FAM135B: variants seen among roughly 807,000 people sequenced by gnomAD.
FAM135B encodes the protein family with sequence similarity 135 member B, also known as protein FAM135B.
A neutral mutation model predicts 127.7 loss-of-function variants in FAM135B; 43 were observed. The ratio of observed to expected loss-of-function variants is 0.34; its 90% CI spans 0.26 to 0.43. The LOEUF is 0.43. Among genes scored for constraint, FAM135B ranks in the 20% least tolerant of loss-of-function variants. The pLI is 1.00. For synonymous variants in FAM135B, 670 were observed against 665.1 expected, an observed-to-expected ratio of 1.01 and a Z score of -0.11; for missense variants, 1,558 against 1,725.6, an observed-to-expected ratio of 0.90 and a Z score of 1.72.
chr8:138,424,243 C>G (rs920267509), intron 1 of FAM135B, among the ~76,000 whole-genome samples: 1 of 152,092 alleles, frequency 6.6e-6, no homozygotes, highest in Non-Finnish European at 1.5e-5. Flanking sequence ...TGATAAGTGT[C>G]CATGAAATCT....
chr8:138,444,819 G>A (rs1459907787), intron 1 of FAM135B, among the ~76,000 whole-genome samples: 2 of 152,014 alleles, frequency 1.3e-5, no homozygotes, highest in South Asian at 2.1e-4. Context: ...AACTGAAGGA[G>A]ATAGAGACAC....
At chr8:138,334,941 C>A (rs1055884786) in intron 2 of FAM135B, among the ~76,000 whole-genome samples, 10 of 152,162 alleles carry the variant, frequency 6.6e-5, no homozygotes, top group African/African-American at 2.4e-4. Context: ...CCAGCAGAAT[C>A]TTATTTTTGT....
At chr8:138,212,966 A>G (rs992306809) in intron 7 of FAM135B, among the ~76,000 whole-genome samples, 2 of 152,214 alleles carry the variant, frequency 1.3e-5, no homozygotes, top group Middle Eastern at 3.2e-3. Flanking sequence ...CTCCAATTTA[A>G]TGTGTACACG....
chr8:138,224,499 C>G (rs547640604), intron 7 of FAM135B, among the ~76,000 whole-genome samples: 1 of 152,128 alleles, frequency 6.6e-6, no homozygotes, highest in Non-Finnish European at 1.5e-5. Flanking sequence ...TGCAGAGGCC[C>G]GATCTCGGCT....
chr8:138,359,155 G>T (rs889503398), intron 2 of FAM135B, among the ~76,000 whole-genome samples: 1 of 152,026 alleles, frequency 6.6e-6, no homozygotes, highest in Non-Finnish European at 1.5e-5. Flanking sequence ...TAGGAACAAT[G>T]ATAATAATGT....
chr8:138,145,531 C>T (rs994604755), intron 15 of FAM135B, among the ~76,000 whole-genome samples: 1 of 152,168 alleles, frequency 6.6e-6, no homozygotes, highest in Non-Finnish European at 1.5e-5. Flanking sequence ...GAAACAGGTA[C>T]GGAGTACTCA....
intron 7 of FAM135B, among the ~76,000 whole-genome samples, chr8:138,209,556 A>T (rs1817977229): frequency 6.6e-6 from 1 of 152,178 alleles, no homozygotes. Context: ...CTCAATGGAC[A>T]GACTGATTCA....
At chr8:138,385,749 T>G (rs189245714) in intron 1 of FAM135B, among the ~76,000 whole-genome samples, 3 of 152,000 alleles carry the variant, frequency 2.0e-5, no homozygotes, top group African/African-American at 7.2e-5. Context: ...GAGACAGCAG[T>G]TGCAGTGAGC....
chr8:138,449,725 C>A (rs535818238), intron 1 of FAM135B, among the ~76,000 whole-genome samples: 1 of 151,992 alleles, frequency 6.6e-6, no homozygotes, highest in Non-Finnish European at 1.5e-5. Flanking sequence ...TCCCATAAAC[C>A]CCCTGTCCCC....
chr8:138,184,585 C>G (rs1248246145), intron 9 of FAM135B, among the ~76,000 whole-genome samples: 3 of 152,130 alleles, frequency 2.0e-5, no homozygotes, highest in African/African-American at 7.2e-5. Flanking sequence ...GGAAGGCAGT[C>G]TGGGTATTGC....
chr8:138,227,172 C>T (rs1451415632), intron 7 of FAM135B, among the ~76,000 whole-genome samples: 1 of 152,210 alleles, frequency 6.6e-6, no homozygotes, highest in African/African-American at 2.4e-5. Flanking sequence ...CTAGGATGTC[C>T]AGTGACCTTT....
intron 1 of FAM135B, among the ~76,000 whole-genome samples, chr8:138,427,524 G>A (rs1042673167): frequency 1.1e-4 from 17 of 151,906 alleles, no homozygotes; most frequent in Non-Finnish European, 2.4e-4. Flanking sequence ...TTCACTAAGT[G>A]AAAGTGAGAA....
At position 138,358,854 on chromosome 8, in the gene FAM135B, G is replaced by A. The variant is rs546487095; in HGVS notation, c.77+9053C>T. ...TTTGATTCCACCAGGAAGTATCTGG[G>A]CCCTGTGGGTGGCTCTGAGCTCACC... On this transcript the variant is annotated intron_variant, in intron 2 of 19. Transcript: ENST00000395297. Among the ~76,000 whole-genome samples the A allele has an allele frequency of 9.9e-5, 15 of 152,168 alleles. No individual in the cohort carries two copies. The South Asian group carries it at 2.9e-3, about 30-fold the overall frequency.
intron 19 of FAM135B, among the ~76,000 whole-genome samples, chr8:138,136,882 C>T (rs1816708875): frequency 6.6e-6 from 1 of 152,220 alleles, no homozygotes; most frequent in African/African-American, 2.4e-5. Flanking sequence ...TTGAATTATA[C>T]ATCCCAGTCA....
intron 16 of FAM135B, among the ~76,000 whole-genome samples, chr8:138,142,343 C>T (rs912232607): frequency 3.9e-5 from 5 of 127,836 alleles, no homozygotes; most frequent in African/African-American, 1.5e-4. Context: ...CTCTGTCGCC[C>T]AGGCTGGAGT....
chr8:138,478,641 CTGATCTCTAACTCTACGGATAAAA>C (rs1814629665), intron 1 of FAM135B, among the ~76,000 whole-genome samples: 1 of 152,106 alleles, frequency 6.6e-6, no homozygotes, highest in Non-Finnish European at 1.5e-5. Context: ...AGTGGTGACC[CTGATCTCTAACTCTACGGATAAAA>C]TTGGGATGGC....
At chr8:138,388,413 A>G (rs1426265961) in intron 1 of FAM135B, among the ~76,000 whole-genome samples, 4 of 152,220 alleles carry the variant, frequency 2.6e-5, no homozygotes, top group African/African-American at 9.6e-5. Flanking sequence ...AAAGCAGTTG[A>G]AAACATGTCT....
chr8:138,338,391 A>G lies in FAM135B; in HGVS notation c.78-27471T>C, dbSNP rs561464961. Among the ~76,000 whole-genome samples the G allele has an allele frequency of 6.2e-3, 949 of 151,884 alleles. 11 individuals are homozygous for G. The highest frequency in any genetic ancestry group is 0.022 in the African/African-American group (903 of 41,144). On this transcript the variant is annotated intron_variant, in intron 2 of 19. Coordinates refer to ENST00000395297, the MANE Select transcript of FAM135B (RefSeq NM_015912.4). Reference sequence around the variant, plus strand: ...AAAGGGCTAATACCCAGAATCTACAATGAACTCAAACAAATTTACAAGAAA... The same window carrying G: ...AAAGGGCTAATACCCAGAATCTACAGTGAACTCAAACAAATTTACAAGAAA...
intron 12 of FAM135B, among the ~76,000 whole-genome samples, chr8:138,156,479 A>T (rs1165579916): frequency 2.0e-5 from 3 of 150,906 alleles, no homozygotes; most frequent in Admixed American, 6.7e-5. Flanking sequence ...GACACAAAAA[A>T]CCCTTCAAAA....
Sources: allele counts gnomAD v4.1 joint callset (sites outside exome capture counted in the v4.1 genomes callset), GRCh38; gene constraint gnomAD v4.1.1; transcripts MANE v1.5; gene names NCBI Gene and HGNC (gene_info 2026-07-23, HGNC 2026-07-21).